NLN: variants seen among roughly 807,000 people sequenced by gnomAD.
The protein encoded by NLN is neurolysin, mitochondrial.
In NLN, 64 loss-of-function variants were observed where a neutral mutation model predicts 79.9. The observed-to-expected ratio is 0.80, with a 90% CI of 0.65 to 0.99. The LOEUF is 0.99. Among genes scored for constraint, NLN ranks in the 50% least tolerant of loss-of-function variants. NLN has a pLI of 0.00. For synonymous variants in NLN, 267 were observed against 296.6 expected (o/e 0.90, Z 1.02); for missense variants, 835 against 858.7 (o/e 0.97, Z 0.34).
At chr5:65,724,186 C>G (rs1241781898) in intron 1 of NLN, among the ~76,000 whole-genome samples, 1 of 150,918 alleles carries the variant, frequency 6.6e-6, no homozygotes, top group Non-Finnish European at 1.5e-5. Context: ...GTACAGCCAA[C>G]ACCACTGTCC....
chr5:65,799,428 G>A (rs1760235267), intron 9 of NLN, among the ~76,000 whole-genome samples: 1 of 152,102 alleles, frequency 6.6e-6, no homozygotes, highest in East Asian at 1.9e-4. Flanking sequence ...TGATAACAAG[G>A]GAAAATATCT....
At chr5:65,768,866 T>G (rs142602050) in intron 3 of NLN, among the ~76,000 whole-genome samples, 18 of 152,344 alleles carry the variant, frequency 1.2e-4, no homozygotes, top group Non-Finnish European at 2.5e-4. Context: ...CCTTCTGACC[T>G]CATTTAACCT....
rs1296481170 is a variant in NLN at position 65,791,247 on chromosome 5, CCCCATCTCTAG to C, written c.1326-1206_1326-1196del. On this transcript the variant is annotated intron_variant, in intron 8 of 12. Coordinates refer to ENST00000380985, the MANE Select transcript of NLN (RefSeq NM_020726.5). ...GACCAGCTTGGTCAACATGGTGAAACCCCATCTCTAGTAAAAATACAAAAATTAGGCTGTGC... is the reference window on the plus strand; with the variant it reads ...GACCAGCTTGGTCAACATGGTGAAACTAAAAATACAAAAATTAGGCTGTGC... Among the ~76,000 whole-genome samples, 14 of 151,994 alleles carry C rather than the reference CCCCATCTCTAG, an allele frequency of 9.2e-5. No individual in the cohort carries two copies. The East Asian group carries it at 2.7e-3, about 29-fold the overall frequency.
intron 3 of NLN, among the ~76,000 whole-genome samples, chr5:65,774,127 T>G (rs1759630028): frequency 6.6e-6 from 1 of 150,766 alleles, no homozygotes; most frequent in African/African-American, 2.4e-5. Context: ...TTAACCTCAG[T>G]TTTCTTGTCT....
chr5:65,733,491 A>T, intron 1 of NLN: 1 of 1,391,284 alleles, frequency 7.2e-7, no homozygotes. Flanking sequence ...GAGTCTTGAC[A>T]ACAGGGGTCA....
chr5:65,744,229 C>T, intron 1 of NLN, among the ~76,000 whole-genome samples: 2 of 152,106 alleles, frequency 1.3e-5, no homozygotes, highest in Non-Finnish European at 2.9e-5. Flanking sequence ...AACTTCTGGG[C>T]TCAAGTGATC....
chr5:65,796,225 ATG>A, intron 9 of NLN, among the ~76,000 whole-genome samples: 1 of 152,146 alleles, frequency 6.6e-6, no homozygotes, highest in Admixed American at 6.6e-5. Context: ...CTCTTGATGC[ATG>A]TTCGTTTTTC....
In NLN at chr5:65,736,721, C is replaced by G. The variant is rs1017134441; in HGVS notation, c.41+14307C>G. On this transcript the variant is annotated intron_variant, in intron 1 of 12. Transcript: ENST00000380985. ...TTTTGTGCCTGTTTATGTCTTTTGC[C>G]CATTTTCCTGAGTTATCTTTTTCAT... Among the ~76,000 whole-genome samples the G allele has an allele frequency of 3.3e-5, 5 of 152,070 alleles. No individual in the cohort carries two copies. In the South Asian group the frequency reaches 1.0e-3, roughly 32 times the overall value.
At chr5:65,738,571 T>C (rs2150736486) in intron 1 of NLN, among the ~76,000 whole-genome samples, 1 of 152,116 alleles carries the variant, frequency 6.6e-6, no homozygotes, top group East Asian at 1.9e-4. Context: ...AGATCCTGTT[T>C]CCAAAAAAAT....
Position 65,827,663 on chromosome 5 carries a change from G to A in NLN, c.*4748G>A, listed in dbSNP as rs1760944894. ...AAATGAAAAAAAAGTCCCATAAAAA[G>A]GTATCAAATGTACAGATAATAGGGC... is the stretch of plus-strand genomic sequence containing the variant. On this transcript the variant is annotated 3_prime_UTR_variant, in exon 13 of 13. Coordinates refer to ENST00000380985, the MANE Select transcript of NLN (RefSeq NM_020726.5). 1 of 152,088 alleles carries A rather than the reference G, an allele frequency of 6.6e-6. No homozygotes were observed. The highest frequency in any genetic ancestry group is 1.5e-5 in the Non-Finnish European group (1 of 68,010). 9.4% of individuals were successfully genotyped at this position (152,088 alleles called of 1,614,324 possible).
At chr5:65,808,361 C>T (rs755307311) in intron 9 of NLN, among the ~76,000 whole-genome samples, 20 of 152,130 alleles carry the variant, frequency 1.3e-4, no homozygotes, top group East Asian at 1.9e-4. Context: ...CTTTCCCCTC[C>T]GTGTGGAGCC....
chr5:65,792,792 A>G, intron 9 of NLN, 137 bp downstream of exon 9: 1 of 750,046 alleles, frequency 1.3e-6, no homozygotes, highest in East Asian at 2.6e-5. Context: ...CTTCTGCAAA[A>G]CCAAAATTTT....
At chr5:65,769,293 A>G (rs1202127397) in intron 3 of NLN, among the ~76,000 whole-genome samples, 1 of 152,206 alleles carries the variant, frequency 6.6e-6, no homozygotes, top group Non-Finnish European at 1.5e-5. Flanking sequence ...GGTTAATGGG[A>G]ACCAAAAGGA....
chr5:65,734,775 A>G (rs984200879), intron 1 of NLN, among the ~76,000 whole-genome samples: 9 of 152,220 alleles, frequency 5.9e-5, no homozygotes, highest in Non-Finnish European at 7.3e-5. Context: ...GCTTGCTACA[A>G]TGTATAAGGT....
intron 2 of NLN, among the ~76,000 whole-genome samples, chr5:65,760,902 T>C (rs1345079353): frequency 1.3e-5 from 2 of 152,244 alleles, no homozygotes; most frequent in Non-Finnish European, 2.9e-5. Flanking sequence ...CTTTCAAGTT[T>C]GTGATGTTTG....
chr5:65,741,633 C>G (rs772846584), intron 1 of NLN, among the ~76,000 whole-genome samples: 4 of 152,088 alleles, frequency 2.6e-5, no homozygotes, highest in Non-Finnish European at 5.9e-5. Context: ...GCCCCAAACA[C>G]CAATTAAGTG....
intron 9 of NLN, among the ~76,000 whole-genome samples, chr5:65,798,508 C>T (rs1760216152): frequency 6.6e-6 from 1 of 152,098 alleles, no homozygotes; most frequent in Non-Finnish European, 1.5e-5. Flanking sequence ...CTAGGTTTCC[C>T]TCTGTGTGAG....
At chr5:65,802,498 G>T (rs1393557831) in intron 9 of NLN, among the ~76,000 whole-genome samples, 2 of 152,204 alleles carry the variant, frequency 1.3e-5, no homozygotes, top group Non-Finnish European at 2.9e-5. Context: ...TCCTAGGTCT[G>T]GGTTCCCTGA....
chr5:65,800,685 T>TATTTATTC (rs1760267842), intron 9 of NLN, among the ~76,000 whole-genome samples: 1 of 150,714 alleles, frequency 6.6e-6, no homozygotes, highest in African/African-American at 2.4e-5. Flanking sequence ...TTTATTTATT[T>TATTTATTC]ATTTATTTAT....
Sources: allele counts gnomAD v4.1 joint callset (sites outside exome capture counted in the v4.1 genomes callset), GRCh38; gene constraint gnomAD v4.1.1; transcripts MANE v1.5; gene names NCBI Gene and HGNC (gene_info 2026-07-23, HGNC 2026-07-21).